Variants in GRM5 observed in about 807,000 individuals in gnomAD.
GRM5 encodes glutamate metabotropic receptor 5.
In GRM5, 19 loss-of-function variants were observed where a neutral mutation model predicts 83.1. The observed-to-expected ratio is 0.23, with a 90% CI of 0.16 to 0.34. The LOEUF is 0.34. GRM5 is among the 10% of genes least tolerant of loss of function. GRM5 has a pLI of 1.00. For synonymous variants in GRM5, 675 were observed against 633.6 expected, an observed-to-expected ratio of 1.07 and a Z score of -0.98; for missense variants, 1,160 against 1,588.3, an observed-to-expected ratio of 0.73 and a Z score of 4.58.
rs534344920 is a variant in GRM5 at position 88,957,147 on chromosome 11, T to C, written c.661+90065A>G. On this transcript the variant is annotated intron_variant, in intron 2 of 9. Coordinates refer to ENST00000305447, the MANE Select transcript of GRM5 (RefSeq NM_001143831.3). The stretch of plus-strand genomic sequence containing the variant: ...TTGGAGAAGCCTTCTCAGAGGAGGA[T>C]TGTTGAAAGACTTGAACGATGAGTA... Among the ~76,000 whole-genome samples the C allele has an allele frequency of 2.6e-5, 4 of 152,292 alleles. No individual in the cohort carries two copies. In the South Asian group the frequency reaches 8.3e-4, roughly 32 times the overall value.
intron 2 of GRM5, among the ~76,000 whole-genome samples, chr11:88,929,283 T>G (rs1459742480): frequency 6.6e-6 from 1 of 152,096 alleles, no homozygotes; most frequent in East Asian, 1.9e-4. Flanking sequence ...TTAAACTAGT[T>G]AAATATTAAT....
At chr11:88,637,679 A>G (rs939181330) in intron 4 of GRM5, among the ~76,000 whole-genome samples, 3,754 of 147,296 alleles carry the variant, frequency 0.025, 137 homozygotes, top group African/African-American at 0.085. Flanking sequence ...GGATGTGGAG[A>G]AACAGGAACA....
chr11:88,667,928 A>G (rs1005774245), intron 3 of GRM5, among the ~76,000 whole-genome samples: 2 of 152,030 alleles, frequency 1.3e-5, no homozygotes, highest in African/African-American at 4.8e-5. Flanking sequence ...GTTAAAGTCA[A>G]AATTGATTCT....
chr11:88,725,517 C>T (rs7107971), intron 3 of GRM5, among the ~76,000 whole-genome samples: 88,360 of 152,012 alleles, frequency 0.58, 27,751 homozygotes, highest in South Asian at 0.8. Context: ...GATCTCCCAT[C>T]ACAGCACTCA....
At chr11:88,878,620 G>A (rs1412428264) in intron 2 of GRM5, among the ~76,000 whole-genome samples, 2 of 152,162 alleles carry the variant, frequency 1.3e-5, no homozygotes. Flanking sequence ...TTTTATCTTG[G>A]TAAGAAAGTA....
chr11:89,042,990 T>A (rs1331487804), intron 2 of GRM5, among the ~76,000 whole-genome samples: 2 of 152,302 alleles, frequency 1.3e-5, no homozygotes, highest in Admixed American at 6.5e-5. Context: ...TAGACAGAAA[T>A]AATAAATTCA....
chr11:88,805,900 T>C (rs1943492049), intron 3 of GRM5, among the ~76,000 whole-genome samples: 1 of 152,218 alleles, frequency 6.6e-6, no homozygotes, highest in Non-Finnish European at 1.5e-5. Context: ...GACACTGACA[T>C]ATTAAATTTC....
intron 2 of GRM5, among the ~76,000 whole-genome samples, chr11:88,873,582 T>C (rs1240802352): frequency 3.3e-5 from 5 of 151,478 alleles, no homozygotes; most frequent in Admixed American, 1.3e-4. Context: ...TACAAATAAA[T>C]GAAAATTAAA....
intron 3 of GRM5, among the ~76,000 whole-genome samples, chr11:88,740,576 A>C (rs1452907459): frequency 6.6e-6 from 1 of 152,072 alleles, no homozygotes; most frequent in East Asian, 1.9e-4. Context: ...ACACAGGAGA[A>C]TTAGGTAACC....
intron 2 of GRM5, among the ~76,000 whole-genome samples, chr11:88,952,344 A>G (rs1315327892): frequency 6.6e-6 from 1 of 152,194 alleles, no homozygotes; most frequent in Admixed American, 6.5e-5. Context: ...ACTGTTACTC[A>G]GTAGCATTGT....
At chr11:88,592,396 C>T (rs922010170) in intron 6 of GRM5, among the ~76,000 whole-genome samples, 4 of 152,116 alleles carry the variant, frequency 2.6e-5, no homozygotes, top group Non-Finnish European at 5.9e-5. Context: ...ATTTCATTTT[C>T]AAGGTATACC....
intron 1 of GRM5, among the ~76,000 whole-genome samples, chr11:89,057,381 A>C (rs1941900889): frequency 1.3e-5 from 2 of 152,166 alleles, no homozygotes; most frequent in South Asian, 4.1e-4. Context: ...TGTAAACAAG[A>C]AAATGCAGCA....
intron 3 of GRM5, among the ~76,000 whole-genome samples, chr11:88,806,990 T>A (rs1943509773): frequency 6.6e-6 from 1 of 152,188 alleles, no homozygotes. Context: ...CTGTGAAGTC[T>A]TCCCTAACTT....
Position 88,607,072 on chromosome 11 carries a change from T to A in GRM5, c.1148-2108A>T, listed in dbSNP as rs186196007. Among the ~76,000 whole-genome samples the A allele has an allele frequency of 1.2e-3, 177 of 152,202 alleles. 1 individual carries two copies. The Middle Eastern group carries it at 0.014, about 12-fold the overall frequency. On this transcript the variant is annotated intron_variant, in intron 4 of 9. Transcript: ENST00000305447. ...TTGCTGGCCCAAATACTGACACCTT[T>A]AATTTCCCCAGTAGAGAGTCTCCCT...
rs756860502 is a variant in GRM5 at position 88,567,766 on chromosome 11, G to C, written c.1917C>G (p.Pro639=). 1 of 1,614,000 alleles carries C rather than the reference G, an allele frequency of 6.2e-7. No homozygotes were observed. Among genetic ancestry groups the C allele is most frequent in the Non-Finnish European group, 8.5e-7 (1 of 1,179,914 alleles). ...TCTGAAGGTAGCAGTAAATCTGTTT[G>C]GGCTTCGCAATGAGGCAGAAGGTAC... ...YLCTFCLIAK[P]KQIYCYLQRI... The change falls in exon 8 of 10, where the codon CCC becomes CCG. Residue 639 remains proline (P), a synonymous_variant. Coordinates refer to ENST00000305447, the MANE Select transcript of GRM5 (RefSeq NM_001143831.3). This position sits in a 1 kb window ranked among gnomAD's most constrained non-coding sequence, Gnocchi z 7.3.
intron 2 of GRM5, among the ~76,000 whole-genome samples, chr11:88,856,288 GT>G (rs1944474784): frequency 6.6e-6 from 1 of 151,874 alleles, no homozygotes; most frequent in Non-Finnish European, 1.5e-5. Context: ...ACTATTTAAT[GT>G]TGTTGTTTTT....
At chr11:89,017,081 C>A (rs1391729931) in intron 2 of GRM5, among the ~76,000 whole-genome samples, 1 of 152,118 alleles carries the variant, frequency 6.6e-6, no homozygotes, top group Non-Finnish European at 1.5e-5. Flanking sequence ...GATGAGCTCT[C>A]AAGCCCTTCC....
At chr11:89,014,657 T>C (rs1940804685) in intron 2 of GRM5, among the ~76,000 whole-genome samples, 1 of 152,156 alleles carries the variant, frequency 6.6e-6, no homozygotes, top group Admixed American at 6.5e-5. Flanking sequence ...AATTGTATAT[T>C]TTTAAATAAC....
At chr11:89,059,685 G>A (rs1022205709) in intron 1 of GRM5, among the ~76,000 whole-genome samples, 21 of 152,140 alleles carry the variant, frequency 1.4e-4, no homozygotes, top group South Asian at 2.1e-4. Context: ...CATAGGAAAC[G>A]CAGAAAACTC....
Sources: gnomAD v4.1 joint callset for allele counts (sites outside exome capture counted in the v4.1 genomes callset) on GRCh38, gnomAD v4.1.1 for gene constraint, Gnocchi (gnomAD v3.1) non-coding constraint, MANE v1.5 for transcripts, NCBI Gene and HGNC (gene_info 2026-07-23, HGNC 2026-07-21) for gene names.